The following MICAL3 variants were observed in gnomAD, a reference collection of about 807,000 sequenced individuals.
The protein encoded by MICAL3 is [F-actin]-monooxygenase MICAL3.
In MICAL3, 62 loss-of-function variants were observed where a neutral mutation model predicts 207.4. The ratio of observed to expected loss-of-function variants is 0.30; its 90% confidence interval spans 0.24 to 0.37. MICAL3 has a LOEUF of 0.37. Ranked by LOEUF, MICAL3 falls within the 10% of genes least tolerant of loss-of-function variation. The pLI, the probability that MICAL3 is intolerant of heterozygous loss-of-function variation, is 1.00. For synonymous variants in MICAL3, 1,077 were observed against 1,069.3 expected (o/e 1.01, Z -0.14); for missense variants, 2,368 against 2,635.6 (o/e 0.90, Z 2.22).
At chr22:17,934,866 A>G (rs1933441139) in intron 1 of MICAL3, among the ~76,000 whole-genome samples, 1 of 152,196 alleles carries the variant, frequency 6.6e-6, no homozygotes, top group Admixed American at 6.5e-5. Context: ...CAATTGCTAC[A>G]AAGAGATTAA....
Position 17,902,753 on chromosome 22 carries a change from AG to A in MICAL3, c.473-7del. 1.3e-6 allele frequency: 2 copies of A among 1,542,208 alleles called. No homozygotes were observed. The highest frequency in any genetic ancestry group is 1.8e-6 in the Non-Finnish European group (2 of 1,125,856). ...TAGTTGGAGCTGACGGATACCTGGG[AG>A]AATACAGAGATGACGTTGATGGGAA... On this transcript the variant is annotated splice_region_variant and splice_polypyrimidine_tract_variant and intron_variant, in intron 3 of 31. Coordinates refer to ENST00000441493, the MANE Select transcript of MICAL3 (RefSeq NM_015241.3). This position sits in a 1 kb window ranked among gnomAD's most constrained non-coding sequence, Gnocchi z 4.5.
chr22:17,856,279 T>C (rs544159980), intron 19 of MICAL3, among the ~76,000 whole-genome samples: 143 of 152,306 alleles, frequency 9.4e-4, no homozygotes, highest in Non-Finnish European at 4.9e-4. Flanking sequence ...GGGGAAAGTA[T>C]TTTGGCAGAG....
chr22:17,966,737 CATG>C (rs2146398499), intron 1 of MICAL3, among the ~76,000 whole-genome samples: 1 of 152,294 alleles, frequency 6.6e-6, no homozygotes, highest in Admixed American at 6.5e-5. Flanking sequence ...AAGCATCTTC[CATG>C]ATACCTGGCA....
chr22:17,887,199 TCC>T lies in MICAL3; in HGVS notation c.2036_2037del (p.Gly679GlufsTer55). On this transcript the variant is annotated frameshift_variant, in exon 15 of 32. Coordinates refer to ENST00000441493, the MANE Select transcript of MICAL3 (RefSeq NM_015241.3). LOFTEE classifies it high-confidence loss of function. ...TCTGATTGACTGGTCTTTCTCCTCT[TCC>T]CAGCACCATCCAAGTCCTTTTCCTT... ...DKKEKDLDGA[G>X]KRRKTSQSEE... 2 of 1,613,704 alleles carry T rather than the reference TCC, an allele frequency of 1.2e-6. No homozygotes were observed. The highest frequency in any genetic ancestry group is 1.7e-6 in the Non-Finnish European group (2 of 1,179,812).
intron 1 of MICAL3, among the ~76,000 whole-genome samples, chr22:17,952,400 G>A (rs1934391457): frequency 2.0e-5 from 3 of 152,274 alleles, no homozygotes; most frequent in Admixed American, 6.5e-5. Context: ...CATCTCAGTA[G>A]CCTGGCTCCA....
At chr22:17,854,382 A>G (rs1036058570) in intron 19 of MICAL3, among the ~76,000 whole-genome samples, 4 of 152,138 alleles carry the variant, frequency 2.6e-5, no homozygotes, top group African/African-American at 9.7e-5. Context: ...AGTTATTTCT[A>G]ATCTCTTACC....
chr22:17,934,547 C>T (rs1459143383), intron 1 of MICAL3, among the ~76,000 whole-genome samples: 1 of 152,148 alleles, frequency 6.6e-6, no homozygotes, highest in Non-Finnish European at 1.5e-5. Context: ...AAAACCAGCA[C>T]AAGACAAGGA....
intron 1 of MICAL3, among the ~76,000 whole-genome samples, chr22:17,941,499 C>G (rs1399996945): frequency 6.6e-6 from 1 of 152,236 alleles, no homozygotes; most frequent in East Asian, 1.9e-4. Context: ...GACAAGGGGT[C>G]CCCTGCAAAG....
At chr22:17,816,484 T>C (rs1423471429) in intron 27 of MICAL3, among the ~76,000 whole-genome samples, 1 of 152,240 alleles carries the variant, frequency 6.6e-6, no homozygotes, top group Non-Finnish European at 1.5e-5. Flanking sequence ...GCCCTTGCTG[T>C]GGATGCCAAC....
At chr22:17,885,228 C>T (rs1929765812) in intron 16 of MICAL3, among the ~76,000 whole-genome samples, 1 of 152,122 alleles carries the variant, frequency 6.6e-6, no homozygotes, top group Admixed American at 6.5e-5. Flanking sequence ...TCCCGGGAAA[C>T]AGCTGCAACA....
intron 22 of MICAL3, among the ~76,000 whole-genome samples, chr22:17,823,886 T>C (rs1322672456): frequency 6.6e-6 from 1 of 151,942 alleles, no homozygotes; most frequent in Admixed American, 6.6e-5. Flanking sequence ...GCTGAGGGGG[T>C]TGTCCACAGC....
intron 28 of MICAL3, among the ~76,000 whole-genome samples, chr22:17,810,275 G>C (rs990271519): frequency 2.0e-5 from 3 of 152,108 alleles, no homozygotes; most frequent in Non-Finnish European, 4.4e-5. Flanking sequence ...GTGTTAGCCA[G>C]GATGGTCTCA....
intron 1 of MICAL3, among the ~76,000 whole-genome samples, chr22:17,995,384 G>A (rs529047053): frequency 1.3e-5 from 2 of 151,488 alleles, no homozygotes; most frequent in East Asian, 1.9e-4. Flanking sequence ...ACTATGTTGC[G>A]CAGGCTGGTC....
chr22:17,841,439 G>A lies in MICAL3; in HGVS notation c.2801+383C>T, dbSNP rs1296856389. On this transcript the variant is annotated intron_variant, in intron 20 of 31. Transcript: ENST00000441493. This position sits in a 1 kb window ranked among gnomAD's most constrained non-coding sequence, Gnocchi z 4.2. ...AAAAGATGCCTGGGGGACGGACTAGGCCTCCCTCAAGACGGCCCGGTGCAC... is the reference window on the plus strand; with the variant it reads ...AAAAGATGCCTGGGGGACGGACTAGACCTCCCTCAAGACGGCCCGGTGCAC... 1 of 405,852 alleles carries A rather than the reference G, an allele frequency of 2.5e-6. No homozygotes were observed. The highest frequency in any genetic ancestry group is 4.4e-6 in the Non-Finnish European group (1 of 225,686). 25.1% of individuals were successfully genotyped at this position (405,852 alleles called of 1,614,324 possible). A position where few individuals can be genotyped will look rare whatever the true frequency, so the allele number is the denominator to read the frequency against.
rs1453335286 is a variant in MICAL3 at position 17,791,203 on chromosome 22, A to G, written c.5749T>C (p.Phe1917Leu). 3.7e-6 allele frequency: 6 copies of G among 1,613,516 alleles called. No individual in the cohort carries two copies. The highest frequency in any genetic ancestry group is 4.2e-6 in the Non-Finnish European group (5 of 1,179,784). Residue 1917 changes from phenylalanine to leucine, a missense_variant and splice_region_variant, in exon 30 of 32, where the codon TTT becomes CTT. Around this residue, in one of 4 missense-constraint regions of MICAL3, gnomAD observed 1,770 missense variants for 1,863.2 expected, o/e 0.95. Transcript: ENST00000441493. ...CGCCCCCTACCCAAGGCCACTCACA[A>G]GATCATCAGCTCCGACTCGTAGCGC... ...MVRYESELMI[F>L]ARELELEDRQ...
At chr22:17,926,201 C>T (rs552131167) in intron 1 of MICAL3, among the ~76,000 whole-genome samples, 1 of 152,240 alleles carries the variant, frequency 6.6e-6, no homozygotes, top group South Asian at 2.1e-4. Flanking sequence ...TACAACTTCC[C>T]GATATACAAT....
intron 1 of MICAL3, among the ~76,000 whole-genome samples, chr22:17,937,089 T>C (rs1933571823): frequency 6.6e-6 from 1 of 152,228 alleles, no homozygotes. Flanking sequence ...CTGATGTCTC[T>C]TCTTGACAGA....
At chr22:17,798,799 G>A (rs972267755) in intron 29 of MICAL3, among the ~76,000 whole-genome samples, 1 of 150,316 alleles carries the variant, frequency 6.7e-6, no homozygotes, top group African/African-American at 2.5e-5. Flanking sequence ...TCAGCCTCCT[G>A]AGTAGCTGGG....
chr22:17,863,162 C>A (rs1017756366), intron 19 of MICAL3: 32 of 985,332 alleles, frequency 3.2e-5, no homozygotes, highest in Non-Finnish European at 3.9e-5. Flanking sequence ...AGAATGGCAA[C>A]CTCGACCAGA....
Sources: gnomAD v4.1 joint callset for allele counts (sites outside exome capture counted in the v4.1 genomes callset) on GRCh38, gnomAD v4.1.1 for gene constraint, gnomAD v4.1.1 regional missense constraint, Gnocchi (gnomAD v3.1) non-coding constraint, MANE v1.5 for transcripts, NCBI Gene and HGNC (gene_info 2026-07-23, HGNC 2026-07-21) for gene names.